The following PAWR variants were observed in gnomAD, a reference collection of about 807,000 sequenced individuals.
The protein encoded by PAWR is PRKC apoptosis WT1 regulator protein.
A neutral mutation model predicts 32.0 loss-of-function variants in PAWR; 23 were observed. The ratio of observed to expected loss-of-function variants is 0.72; its 90% CI spans 0.52 to 1.02. PAWR has a LOEUF of 1.02. PAWR is among the 50% of genes least tolerant of loss of function. The pLI is 0.00. For missense variants in PAWR, 457 were observed against 437.7 expected (o/e 1.04, Z -0.39); for synonymous variants, 226 against 187.1 (o/e 1.21, Z -1.70).
chr12:79,665,151 C>G (rs908345541), intron 2 of PAWR, among the ~76,000 whole-genome samples: 1 of 152,098 alleles, frequency 6.6e-6, no homozygotes. Context: ...CCAAAAAAAT[C>G]TGATTTTTAA....
chr12:79,628,053 A>G (rs151227961), intron 2 of PAWR, among the ~76,000 whole-genome samples: 2,866 of 152,250 alleles, frequency 0.019, 102 homozygotes, highest in African/African-American at 0.065. Flanking sequence ...CCACATAGTT[A>G]GAAGTAAAGC....
intron 4 of PAWR, chr12:79,603,667 A>ATTTTTTTTTT (rs899732732): frequency 1.0e-5 from 1 of 97,896 alleles, no homozygotes; most frequent in Non-Finnish European, 2.0e-5. Flanking sequence ...TCATTATGCT[A>ATTTTTTTTTT]TTTTTTTTTT....
chr12:79,645,010 G>C (rs1876502333), intron 2 of PAWR, among the ~76,000 whole-genome samples: 1 of 141,680 alleles, frequency 7.1e-6, no homozygotes. Flanking sequence ...ATGTAAAAAA[G>C]AAGAATCATG....
intron 2 of PAWR, among the ~76,000 whole-genome samples, chr12:79,676,822 G>A (rs1878192789): frequency 6.6e-6 from 1 of 151,542 alleles, no homozygotes. Context: ...GCCTGAAATA[G>A]AACTCTCCTC....
chr12:79,690,152 G>A lies in PAWR; in HGVS notation c.93C>T (p.Arg31=), dbSNP rs970202084. ...EEWKAKREKM[R]AKQNPPGPAP... ...CCGGGCCCGGGGGGTTCTGCTTGGC[G>A]CGCATCTTCTCGCGTTTCGCCTTCC... Residue 31 remains arginine, a synonymous_variant, in exon 2 of 7, where the codon CGC becomes CGT. Transcript: ENST00000328827. The A allele has an allele frequency of 6.6e-7, 1 of 1,525,726 alleles. No homozygotes were observed. The highest frequency in any genetic ancestry group is 1.4e-5 in the African/African-American group (1 of 70,564). The allele number at this position is 1,525,726 out of a possible 1,614,324, so 94.5% of individuals were successfully genotyped here. A position where few individuals can be genotyped will look rare whatever the true frequency, so the allele number is the denominator to read the frequency against.
chr12:79,634,604 G>GT, intron 2 of PAWR, among the ~76,000 whole-genome samples: 1 of 152,250 alleles, frequency 6.6e-6, no homozygotes, highest in Middle Eastern at 3.4e-3. Flanking sequence ...ACTGCCAGGT[G>GT]TAACTATTTG....
intron 2 of PAWR, among the ~76,000 whole-genome samples, chr12:79,684,064 A>G (rs1227357723): frequency 2.5e-4 from 38 of 152,186 alleles, no homozygotes; most frequent in Admixed American, 2.5e-3. Flanking sequence ...ATGAAAATAT[A>G]AAAGCACTTA....
At chr12:79,673,325 T>A in intron 2 of PAWR, among the ~76,000 whole-genome samples, 1 of 152,166 alleles carries the variant, frequency 6.6e-6, no homozygotes, top group East Asian at 1.9e-4. Flanking sequence ...CGCCTCAGCC[T>A]CCCAAAGTGC....
intron 2 of PAWR, among the ~76,000 whole-genome samples, chr12:79,660,460 A>G (rs188587323): frequency 3.3e-5 from 5 of 152,294 alleles, no homozygotes; most frequent in African/African-American, 1.2e-4. Context: ...GTTATGCACT[A>G]AAGTTTGAGA....
chr12:79,640,318 C>T (rs1876260020), intron 2 of PAWR, among the ~76,000 whole-genome samples: 1 of 152,120 alleles, frequency 6.6e-6, no homozygotes, highest in South Asian at 2.1e-4. Flanking sequence ...CCCTCCACCC[C>T]AAGACTCAAG....
rs144738950 is a variant in PAWR at position 79,633,260 on chromosome 12, T to C, written c.517-12053A>G. On this transcript the variant is annotated intron_variant, in intron 2 of 6. Transcript: ENST00000328827. ...AATATTTGCAAAAACACACACCTGA[T>C]GAATTTGTAGCCAGAACATATAATG... Among the ~76,000 whole-genome samples the C allele has an allele frequency of 4.1e-3, 623 of 152,224 alleles. 11 individuals carry two copies. Among genetic ancestry groups the C allele is most frequent in the African/African-American group, 0.014 (591 of 41,520 alleles).
chr12:79,687,116 A>G (rs1207220280), intron 2 of PAWR, among the ~76,000 whole-genome samples: 4 of 152,196 alleles, frequency 2.6e-5, no homozygotes, highest in Non-Finnish European at 1.5e-5. Flanking sequence ...AGAAAAAAGG[A>G]TATTTTTCTT....
intron 2 of PAWR, among the ~76,000 whole-genome samples, chr12:79,686,698 A>G (rs1297534334): frequency 2.0e-5 from 3 of 152,230 alleles, no homozygotes; most frequent in Admixed American, 2.0e-4. Flanking sequence ...ATATGTGAGA[A>G]CATATGTAAA....
chr12:79,687,068 G>C (rs551209035), intron 2 of PAWR, among the ~76,000 whole-genome samples: 2 of 152,094 alleles, frequency 1.3e-5, no homozygotes, highest in Non-Finnish European at 2.9e-5. Flanking sequence ...ACCCAGTTCA[G>C]GTGAATTACT....
Position 79,690,409 on chromosome 12 carries a change from A to C in PAWR, c.-147-18T>G. ...CGGCGGGGCTGAGGTGAAAGACAAA[A>C]GGGGGCGGGTAAGGGAAGCGTAAGA... On this transcript the variant is annotated intron_variant, in intron 1 of 6. Transcript: ENST00000328827. 7.7e-7 allele frequency: 1 copy of C among 1,302,618 alleles called. No individual in the cohort carries two copies. Among genetic ancestry groups the C allele is most frequent in the Non-Finnish European group, 9.8e-7 (1 of 1,019,064 alleles). The allele number at this position is 1,302,618 out of a possible 1,614,324, so 80.7% of individuals were successfully genotyped here.
intron 6 of PAWR, 68 bp downstream of exon 6, chr12:79,594,261 T>C: frequency 1.6e-6 from 1 of 620,220 alleles, no homozygotes; most frequent in Non-Finnish European, 2.9e-6. Flanking sequence ...AATTTCTTCA[T>C]ATTTATATAT....
At chr12:79,656,510 C>T (rs934384157) in intron 2 of PAWR, among the ~76,000 whole-genome samples, 3 of 152,164 alleles carry the variant, frequency 2.0e-5, no homozygotes, top group African/African-American at 7.2e-5. Context: ...CTTGGAAAAA[C>T]TAGGTAGATG....
intron 4 of PAWR, 27 bp downstream of exon 4, chr12:79,613,548 A>C (rs2307225): frequency 4.6e-5 from 60 of 1,312,764 alleles, no homozygotes; most frequent in Non-Finnish European, 5.7e-5. Context: ...CATGTCTACA[A>C]TATGTTTAAG....
chr12:79,645,433 A>G (rs539650827), intron 2 of PAWR, among the ~76,000 whole-genome samples: 13 of 152,294 alleles, frequency 8.5e-5, no homozygotes, highest in African/African-American at 2.2e-4. Context: ...AACTGTCACT[A>G]AACTTGGTGA....
Sources: gnomAD v4.1 joint callset for allele counts (sites outside exome capture counted in the v4.1 genomes callset) on GRCh38, gnomAD v4.1.1 for gene constraint, MANE v1.5 for transcripts, NCBI Gene and HGNC (gene_info 2026-07-23, HGNC 2026-07-21) for gene names.